Variants in TECRL observed in about 807,000 individuals in gnomAD.
The protein encoded by TECRL is trans-2,3-enoyl-CoA reductase like, also known as trans-2,3-enoyl-CoA reductase-like.
Under a neutral mutation model 52.8 loss-of-function variants are expected in TECRL, and 63 were observed. The observed-to-expected ratio is 1.19, with a 90% confidence interval of 0.97 to 1.47. The LOEUF (loss-of-function observed/expected upper bound fraction) is 1.47. Ranked by LOEUF, TECRL falls within the 40% of genes most tolerant of loss-of-function variation. The probability of loss-of-function intolerance (pLI) is 0.00; values close to 1 mark genes in which losing one functional copy is unlikely to be tolerated. For missense variants in TECRL, 482 were observed against 429.6 expected (o/e 1.12, Z -1.08); for synonymous variants, 164 against 141.9 (o/e 1.16, Z -1.10).
chr4:64,305,296 T>G (rs1724265532), intron 6 of TECRL, 58 bp from the exon 7 acceptor site: 33 of 1,478,112 alleles, frequency 2.2e-5, no homozygotes, highest in Non-Finnish European at 2.9e-5. Context: ...TATATTTCAA[T>G]TGTGACATAC....
intron 1 of TECRL, among the ~76,000 whole-genome samples, chr4:64,387,802 C>T (rs1194489602): frequency 6.6e-6 from 1 of 151,770 alleles, no homozygotes; most frequent in East Asian, 1.9e-4. Context: ...TTACTTTATC[C>T]TGGTGATGTG....
chr4:64,309,995 G>T, intron 5 of TECRL, 64 bp from the exon 6 acceptor site: 2 of 1,020,394 alleles, frequency 2.0e-6, no homozygotes, highest in Non-Finnish European at 2.9e-6. Context: ...CCTCATGCAT[G>T]ATACATTTTA....
chr4:64,325,711 AGT>A (rs3045203), intron 3 of TECRL, among the ~76,000 whole-genome samples: 2,173 of 152,272 alleles, frequency 0.014, 62 homozygotes, highest in African/African-American at 0.049. Flanking sequence ...ATCACTTGAA[AGT>A]GTGCTGAAAA....
chr4:64,376,398 T>C (rs1722399530), intron 1 of TECRL, among the ~76,000 whole-genome samples: 1 of 151,916 alleles, frequency 6.6e-6, no homozygotes, highest in South Asian at 2.1e-4. Context: ...AAGTTATAAA[T>C]ATTTCATGGC....
At position 64,280,075 on chromosome 4, in the gene TECRL, C is replaced by A. The variant is rs748829708; in HGVS notation, c.1089G>T (p.Leu363Phe). The change falls in exon 12 of 12, where the codon TTG becomes TTT. Residue 363 changes from leucine to phenylalanine, a missense_variant. Transcript: ENST00000381210. ...HRKSAMIPFI[L>F] ...TATAGGAGATAAGATTCTTTTTTTA[C>A]AATATGAATGGAATCATTGCTGATT... The A allele has an allele frequency of 1.2e-5, 19 of 1,584,886 alleles. No homozygotes were observed. The South Asian group carries it at 1.4e-4, about 12-fold the overall frequency.
intron 1 of TECRL, among the ~76,000 whole-genome samples, chr4:64,393,670 A>T (rs1723711667): frequency 6.6e-6 from 1 of 151,832 alleles, no homozygotes; most frequent in Non-Finnish European, 1.5e-5. Context: ...TATCTTACAG[A>T]AAATAAATAT....
intron 4 of TECRL, among the ~76,000 whole-genome samples, chr4:64,315,103 A>G (rs1717403464): frequency 6.6e-6 from 1 of 152,126 alleles, no homozygotes; most frequent in Non-Finnish European, 1.5e-5. Context: ...TCTTCTGTAT[A>G]AACTGTCCCT....
chr4:64,377,975 G>T (rs894809551), intron 1 of TECRL, among the ~76,000 whole-genome samples: 1 of 151,980 alleles, frequency 6.6e-6, no homozygotes, highest in South Asian at 2.1e-4. Context: ...ATTTGATGAG[G>T]TTTTTGTAGT....
intron 5 of TECRL, 101 bp from the exon 6 acceptor site, chr4:64,310,032 T>G: frequency 1.6e-6 from 1 of 606,444 alleles, no homozygotes; most frequent in Non-Finnish European, 2.9e-6. Context: ...ATGCTAGCTA[T>G]TGGGAAACAT....
intron 2 of TECRL, among the ~76,000 whole-genome samples, chr4:64,358,368 A>T (rs1283121788): frequency 6.6e-6 from 1 of 151,860 alleles, no homozygotes; most frequent in Non-Finnish European, 1.5e-5. Context: ...TTGCCTTCTT[A>T]TGGAGGCAGT....
At chr4:64,381,049 T>G (rs1253764605) in intron 1 of TECRL, among the ~76,000 whole-genome samples, 1 of 152,110 alleles carries the variant, frequency 6.6e-6, no homozygotes, top group Non-Finnish European at 1.5e-5. Flanking sequence ...GTCTTTCCAT[T>G]TGTTTGTGTC....
chr4:64,388,800 T>C (rs1478719242), intron 1 of TECRL, among the ~76,000 whole-genome samples: 1 of 151,840 alleles, frequency 6.6e-6, no homozygotes, highest in Non-Finnish European at 1.5e-5. Context: ...ATTACATAAA[T>C]ACAAATAAAT....
chr4:64,376,833 C>A (rs1281879692), intron 1 of TECRL, among the ~76,000 whole-genome samples: 2 of 151,818 alleles, frequency 1.3e-5, no homozygotes, highest in Non-Finnish European at 2.9e-5. Flanking sequence ...AGGATAATGA[C>A]CTAGTGTTAC....
Position 64,323,352 on chromosome 4 carries a change from G to A in TECRL, c.332-560C>T, listed in dbSNP as rs111717207. ...GTCAAGGCTACAGTGAACTGTGATC[G>A]CTTCACTGTACTCCAGTCTGGGCGA... On this transcript the variant is annotated intron_variant, in intron 3 of 11. Transcript: ENST00000381210. 3.3e-3 allele frequency among the ~76,000 whole-genome samples: 505 copies of A among 151,954 alleles called. 4 individuals are homozygous for A. The highest frequency in any genetic ancestry group is 0.011 in the African/African-American group (463 of 41,436).
chr4:64,305,719 C>T lies in TECRL; in HGVS notation c.658-481G>A, dbSNP rs552743321. On this transcript the variant is annotated intron_variant, in intron 6 of 11. Coordinates refer to ENST00000381210, the MANE Select transcript of TECRL (RefSeq NM_001010874.5). ...AACCCTCCCTGCTCCATGGGTTTCA[C>T]TTAGGCACTCATGAGTAATAACCAA... Among the ~76,000 whole-genome samples the T allele has an allele frequency of 2.6e-5, 4 of 152,280 alleles. No individual in the cohort carries two copies. The South Asian group carries it at 8.3e-4, about 32-fold the overall frequency.
rs565785400 is a variant in TECRL at position 64,382,844 on chromosome 4, G to A, written c.235-7621C>T. On this transcript the variant is annotated intron_variant, in intron 1 of 11. Transcript: ENST00000381210. The stretch of plus-strand genomic sequence containing the variant: ...GGTTTTCTGTAGCGGTAACATTTGA[G>A]TCCCTCCCTTTCTTATTGTGTCTGC... Among the ~76,000 whole-genome samples, 12 of 151,804 alleles carry A rather than the reference G, an allele frequency of 7.9e-5. No homozygotes were observed. In the South Asian group the frequency reaches 1.2e-3, roughly 16 times the overall value.
At chr4:64,392,279 AC>A (rs1239981598) in intron 1 of TECRL, among the ~76,000 whole-genome samples, 1 of 152,032 alleles carries the variant, frequency 6.6e-6, no homozygotes, top group African/African-American at 2.4e-5. Flanking sequence ...ATTAAATCCT[AC>A]CATGTTCCCG....
chr4:64,288,794 A>G (rs888480547), intron 9 of TECRL, among the ~76,000 whole-genome samples: 1 of 152,206 alleles, frequency 6.6e-6, no homozygotes, highest in African/African-American at 2.4e-5. Flanking sequence ...AATGAGATGC[A>G]TTGAAAACTG....
At chr4:64,356,789 C>G (rs1399542068) in intron 2 of TECRL, among the ~76,000 whole-genome samples, 1 of 152,124 alleles carries the variant, frequency 6.6e-6, no homozygotes, top group African/African-American at 2.4e-5. Context: ...TACTTTGTCC[C>G]TGTGTCTTAT....
Sources: gnomAD v4.1 joint callset for allele counts (sites outside exome capture counted in the v4.1 genomes callset) on GRCh38, gnomAD v4.1.1 for gene constraint, MANE v1.5 for transcripts, NCBI Gene and HGNC (gene_info 2026-07-23, HGNC 2026-07-21) for gene names.